The following BICD2 variants were observed in gnomAD, a reference collection of about 807,000 sequenced individuals.
BICD2 encodes the protein BICD cargo adaptor 2.
BICD2 carries 25 observed loss-of-function variants against 72.9 expected under a neutral mutation model. The observed-to-expected ratio is 0.34, with a 90% CI of 0.25 to 0.48. The LOEUF is 0.48. BICD2 is among the 20% of genes least tolerant of loss of function. The probability of loss-of-function intolerance (pLI) is 0.99; values close to 1 mark genes in which losing one functional copy is unlikely to be tolerated. For synonymous variants in BICD2, 501 were observed against 516.1 expected (o/e 0.97, Z 0.40); for missense variants, 894 against 1,175.2 (o/e 0.76, Z 3.50).
chr9:92,759,831 G>T (rs767326992), intron 1 of BICD2, among the ~76,000 whole-genome samples: 2 of 152,246 alleles, frequency 1.3e-5, no homozygotes, highest in African/African-American at 4.8e-5. Flanking sequence ...CCTATGTGGG[G>T]AAGCAGGTCT....
chr9:92,716,464 G>A (rs867663486), intron 6 of BICD2, among the ~76,000 whole-genome samples: 2 of 152,178 alleles, frequency 1.3e-5, no homozygotes, highest in South Asian at 2.1e-4. Context: ...GCTCTGGCAC[G>A]TCCTGCAGGG....
intron 2 of BICD2, 75 bp downstream of exon 2, chr9:92,728,949 C>A (rs1853623304): frequency 6.6e-7 from 1 of 1,526,090 alleles, no homozygotes; most frequent in African/African-American, 1.4e-5. Flanking sequence ...GCCCAGCCAC[C>A]CACCAGGCAC....
In BICD2 at chr9:92,718,682, G is replaced by A. The variant is rs148287063; in HGVS notation, c.1963C>T (p.Arg655Cys). ...GGGCCCAGCTCCTGAGAGGCAATGC[G>A]CTGGCGTGACAGCTCCGTGGTGCGG... ...VDRTTELSRQ[R>C]IASQELGPAV... Residue 655 changes from arginine to cysteine, a missense_variant, in exon 5 of 7, where the codon CGC becomes TGC. Arg to Cys is a radical substitution (Grantham distance 180). Coordinates refer to ENST00000356884, the MANE Select transcript of BICD2 (RefSeq NM_001003800.2). 17 of 1,614,100 alleles carry A rather than the reference G, an allele frequency of 1.1e-5. No individual in the cohort carries two copies. Among genetic ancestry groups the A allele is most frequent in the African/African-American group, 6.7e-5 (5 of 75,052 alleles).
intron 5 of BICD2, 123 bp from the exon 6 acceptor site, chr9:92,718,071 G>A: frequency 8.0e-7 from 1 of 1,256,148 alleles, no homozygotes; most frequent in Non-Finnish European, 1.1e-6. Context: ...AAGCTCCTGG[G>A]AGGCCCCTCC....
At chr9:92,756,175 G>T (rs1293175869) in intron 1 of BICD2, among the ~76,000 whole-genome samples, 2 of 152,128 alleles carry the variant, frequency 1.3e-5, no homozygotes, top group Admixed American at 6.5e-5. Flanking sequence ...AGGCTGGGGC[G>T]ACAGATGAAC....
rs776152202 is a variant in BICD2, at chr9:92,717,885, C to G, written c.2170G>C (p.Glu724Gln). 1.9e-6 allele frequency: 3 copies of G among 1,613,508 alleles called. No individual in the cohort carries two copies. The highest frequency in any genetic ancestry group is 2.5e-6 in the Non-Finnish European group (3 of 1,180,024). The change falls in exon 6 of 7, where the codon GAG (glutamate) becomes CAG (glutamine). Residue 724 changes from glutamate to glutamine, a missense_variant. Coordinates refer to ENST00000356884, the MANE Select transcript of BICD2 (RefSeq NM_001003800.2). The stretch of plus-strand genomic sequence containing the variant: ...TCATTGCGCAGCTTCATCATGGTCT[C>G]GGTAACCATGGCCTTCTCATTCTCA... Reference protein sequence around the residue: ...KYENEKAMVTETMMKLRNELK... With the variant: ...KYENEKAMVTQTMMKLRNELK...
In BICD2 at chr9:92,714,842, C is replaced by T. The variant is rs775752586; in HGVS notation, c.*312G>A. On this transcript the variant is annotated 3_prime_UTR_variant, in exon 7 of 7. Transcript: ENST00000356884. Reference sequence around the variant, plus strand: ...AGGACTCCTCCCTTGGGTTTCCCCACGGGTGCGCAGGGCTTAGAAGATGCT... The same window carrying T: ...AGGACTCCTCCCTTGGGTTTCCCCATGGGTGCGCAGGGCTTAGAAGATGCT... 142 of 1,110,286 alleles carry T rather than the reference C, an allele frequency of 1.3e-4. No homozygotes were observed. Among genetic ancestry groups the T allele is most frequent in the Middle Eastern group, 7.8e-4 (2 of 2,572 alleles). 68.8% of individuals were successfully genotyped at this position (1,110,286 alleles called of 1,614,324 possible).
intron 1 of BICD2, among the ~76,000 whole-genome samples, chr9:92,755,512 C>T (rs1224468868): frequency 2.6e-5 from 4 of 152,314 alleles, no homozygotes; most frequent in Admixed American, 2.6e-4. Context: ...ACGGAACCTA[C>T]CGACATGTGA....
intron 1 of BICD2, among the ~76,000 whole-genome samples, chr9:92,742,786 C>A (rs1853924313): frequency 6.6e-6 from 1 of 152,206 alleles, no homozygotes; most frequent in Non-Finnish European, 1.5e-5. Context: ...TATTTTCCAT[C>A]TCTATGAATG....
intron 1 of BICD2, among the ~76,000 whole-genome samples, chr9:92,753,693 C>G (rs1235962648): frequency 6.6e-6 from 1 of 151,846 alleles, no homozygotes; most frequent in Non-Finnish European, 1.5e-5. Context: ...CACCCGCCAC[C>G]AAGGCCGGCT....
rs377363410 is a variant in BICD2, at chr9:92,720,336, G to A, written c.1026C>T (p.Ile342=). ...LVSDLLSELN[I]SEIQKLKQQL... is the part of the protein sequence containing the mutation. ...GCTGCTTCAGCTTCTGGATCTCAGAGATGTTGAGCTCACTGAGTAGGTCGG... is the reference window on the plus strand; with the variant it reads ...GCTGCTTCAGCTTCTGGATCTCAGAAATGTTGAGCTCACTGAGTAGGTCGG... Residue 342 remains isoleucine (I), a synonymous_variant, in exon 4 of 7, where the codon ATC becomes ATT. Coordinates refer to ENST00000356884, the MANE Select transcript of BICD2 (RefSeq NM_001003800.2). This position sits in a 1 kb window ranked among gnomAD's most constrained non-coding sequence, Gnocchi z 5.4. 3.1e-6 allele frequency: 5 copies of A among 1,613,270 alleles called. No individual in the cohort carries two copies. The highest frequency in any genetic ancestry group is 4.2e-6 in the Non-Finnish European group (5 of 1,179,718).
chr9:92,743,178 T>C (rs1256087981), intron 1 of BICD2, among the ~76,000 whole-genome samples: 1 of 152,132 alleles, frequency 6.6e-6, no homozygotes, highest in East Asian at 1.9e-4. Flanking sequence ...CCAGTGGATA[T>C]GAGATCTCTT....
chr9:92,747,709 G>A lies in BICD2; in HGVS notation c.240+16796C>T, dbSNP rs543320522. Among the ~76,000 whole-genome samples the A allele has an allele frequency of 2.4e-4, 36 of 152,356 alleles. No homozygotes were observed. The South Asian group carries it at 7.2e-3, about 31-fold the overall frequency. ...TATACACACAGTGTGGGTGGGGCAA[G>A]GCCTCTCACACGGGAAGGGTTCAGG... On this transcript the variant is annotated intron_variant, in intron 1 of 6. Transcript: ENST00000356884.
intron 1 of BICD2, among the ~76,000 whole-genome samples, chr9:92,732,057 C>T (rs1284503849): frequency 6.6e-6 from 1 of 152,248 alleles, no homozygotes; most frequent in Non-Finnish European, 1.5e-5. Flanking sequence ...AAACATCCAT[C>T]TCCCAACAGG....
intron 5 of BICD2, 97 bp downstream of exon 5, chr9:92,718,442 T>C (rs1853369605): frequency 1.4e-6 from 2 of 1,446,208 alleles, no homozygotes; most frequent in African/African-American, 1.4e-5. Context: ...GACGCAGGCC[T>C]GGGGGGGCCC....
chr9:92,755,757 G>T (rs1366918801), intron 1 of BICD2, among the ~76,000 whole-genome samples: 1 of 152,228 alleles, frequency 6.6e-6, no homozygotes, highest in East Asian at 1.9e-4. Flanking sequence ...GTGGTACTGA[G>T]GGAACATGGG....
chr9:92,724,050 C>T (rs945386020), intron 2 of BICD2, among the ~76,000 whole-genome samples: 4 of 152,064 alleles, frequency 2.6e-5, no homozygotes, highest in Non-Finnish European at 5.9e-5. Context: ...TTGACAAACT[C>T]TCTATCCCCT....
chr9:92,714,915 G>A lies in BICD2; in HGVS notation c.*239C>T. On this transcript the variant is annotated 3_prime_UTR_variant, in exon 7 of 7. Transcript: ENST00000356884. ...AATGTGCAGCTCTATCCCCACCTCT[G>A]ACCCCCACCTAAGAGAGCAGCTGAG... The A allele has an allele frequency of 1.5e-6, 2 of 1,346,336 alleles. No homozygotes were observed. Among genetic ancestry groups the A allele is most frequent in the Non-Finnish European group, 1.9e-6 (2 of 1,051,650 alleles). 83.4% of individuals were successfully genotyped at this position (1,346,336 alleles called of 1,614,324 possible).
chr9:92,763,518 C>T (rs1854414419), intron 1 of BICD2, among the ~76,000 whole-genome samples: 1 of 152,196 alleles, frequency 6.6e-6, no homozygotes, highest in Non-Finnish European at 1.5e-5. Flanking sequence ...GGCCTCTACC[C>T]AAAGCCACAT....
Sources: gnomAD v4.1 joint callset for allele counts (sites outside exome capture counted in the v4.1 genomes callset) on GRCh38, gnomAD v4.1.1 for gene constraint, Gnocchi (gnomAD v3.1) non-coding constraint, MANE v1.5 for transcripts, NCBI Gene and HGNC (gene_info 2026-07-23, HGNC 2026-07-21) for gene names.